Variants in BNC2 observed in about 807,000 individuals in gnomAD.
BNC2 encodes the protein basonuclin zinc finger protein 2, also known as zinc finger protein basonuclin-2.
BNC2 carries 20 observed loss-of-function variants against 76.3 expected under a neutral mutation model. The observed-to-expected ratio is 0.26, with a 90% CI of 0.18 to 0.38. BNC2 has a LOEUF of 0.38. BNC2 is among the 10% of genes least tolerant of loss of function. BNC2 has a pLI of 1.00. For missense variants in BNC2, 1,382 were observed against 1,399.8 expected (o/e 0.99, Z 0.20); for synonymous variants, 582 against 514.8 (o/e 1.13, Z -1.77).
intron 3 of BNC2, among the ~76,000 whole-genome samples, chr9:16,658,104 C>T (rs551549850): frequency 6.6e-6 from 1 of 152,090 alleles, no homozygotes; most frequent in African/African-American, 2.4e-5. Context: ...TACTAATTTG[C>T]AAGGGAATGG....
At chr9:16,823,294 T>G (rs142800036) in intron 1 of BNC2, among the ~76,000 whole-genome samples, 2 of 152,078 alleles carry the variant, frequency 1.3e-5, no homozygotes, top group East Asian at 3.9e-4. Context: ...AATAGTTCTA[T>G]AGTGACATGT....
intron 1 of BNC2, among the ~76,000 whole-genome samples, chr9:16,780,064 A>G (rs368522217): frequency 9.7e-4 from 142 of 146,272 alleles, no homozygotes; most frequent in South Asian, 7.4e-3. Flanking sequence ...GTGAAACCCC[A>G]TCTCTACTAA....
In BNC2 at chr9:16,750,947, C is replaced by T. The variant is rs193148707; in HGVS notation, c.4-12462G>A. 1.1e-4 allele frequency among the ~76,000 whole-genome samples: 16 copies of T among 152,312 alleles called. No homozygotes were observed. In the East Asian group the frequency reaches 2.1e-3, roughly 20 times the overall value. ...GAGATGCTTCCACTGACTGGTACTTCAGCGGCAATGGCAGGCATTGCTAAC... is the reference window on the plus strand; with the variant it reads ...GAGATGCTTCCACTGACTGGTACTTTAGCGGCAATGGCAGGCATTGCTAAC... On this transcript the variant is annotated intron_variant, in intron 1 of 6. Transcript: ENST00000380672.
At chr9:16,440,377 A>G (rs1030272745) in intron 5 of BNC2, among the ~76,000 whole-genome samples, 5 of 152,130 alleles carry the variant, frequency 3.3e-5, no homozygotes, top group Non-Finnish European at 5.9e-5. Flanking sequence ...GAGTGCTATA[A>G]TGTCCTCTTC....
intron 1 of BNC2, among the ~76,000 whole-genome samples, chr9:16,820,478 GT>G (rs536687429): frequency 7.2e-4 from 110 of 151,996 alleles, no homozygotes; most frequent in African/African-American, 2.3e-3. Flanking sequence ...TTTGCCAAAG[GT>G]TATATTGCTA....
chr9:16,751,648 G>A lies in BNC2; in HGVS notation c.4-13163C>T, dbSNP rs111573519. ...TATATATGTATGTATATATGTATGT[G>A]TGTATATATATATGTATGTATGTGT... On this transcript the variant is annotated intron_variant, in intron 1 of 6. Transcript: ENST00000380672. Among the ~76,000 whole-genome samples, 2 of 104,868 alleles carry A rather than the reference G, an allele frequency of 1.9e-5. 1 individual carries two copies. Among genetic ancestry groups the A allele is most frequent in the African/African-American group, 6.7e-5 (2 of 29,646 alleles). The allele number at this position is 104,868 out of a possible 152,430, so 68.8% of individuals were successfully genotyped here.
chr9:16,677,917 A>G (rs1822700737), intron 3 of BNC2, among the ~76,000 whole-genome samples: 1 of 152,216 alleles, frequency 6.6e-6, no homozygotes, highest in Non-Finnish European at 1.5e-5. Context: ...AAATTTTATA[A>G]TTTTACAAAC....
At position 16,659,403 on chromosome 9, in the gene BNC2, A is replaced by T. The variant is rs185199034; in HGVS notation, c.330+68394T>A. On this transcript the variant is annotated intron_variant, in intron 3 of 6. Coordinates refer to ENST00000380672, the MANE Select transcript of BNC2 (RefSeq NM_017637.6). The stretch of plus-strand genomic sequence containing the variant: ...GGTGGGCAGATCAGGAGGTCAGGAG[A>T]TTGAGACCATCCTGGCCAACATGGT... Among the ~76,000 whole-genome samples, 275 of 152,014 alleles carry T rather than the reference A, an allele frequency of 1.8e-3. 2 individuals carry two copies. The highest frequency in any genetic ancestry group is 3.0e-3 in the Non-Finnish European group (202 of 67,964).
intron 5 of BNC2, among the ~76,000 whole-genome samples, chr9:16,492,430 G>T (rs1822297662): frequency 1.3e-5 from 2 of 152,180 alleles, no homozygotes; most frequent in African/African-American, 2.4e-5. Context: ...CTTAAAACAT[G>T]TAGTTTGTTT....
At chr9:16,811,776 G>T (rs1201362429) in intron 1 of BNC2, among the ~76,000 whole-genome samples, 1 of 152,180 alleles carries the variant, frequency 6.6e-6, no homozygotes, top group Non-Finnish European at 1.5e-5. Context: ...GAAAGGAAAA[G>T]AAGAGCCCCT....
Position 16,436,563 on chromosome 9 carries a change from G to A in BNC2, c.1631C>T (p.Pro544Leu), listed in dbSNP as rs1165827230. The A allele has an allele frequency of 1.2e-6, 2 of 1,613,960 alleles. No individual in the cohort carries two copies. The highest frequency in any genetic ancestry group is 1.7e-6 in the Non-Finnish European group (2 of 1,180,020). Residue 544 changes from proline (P) to leucine (L), a missense_variant, in exon 6 of 7, where the codon CCC (proline) becomes CTC (leucine). Transcript: ENST00000380672. ...PGRPPMGFTT[P>L]PLDPVLQNPL... ...ATTTTGCAAGACAGGGTCTAGAGGG[G>A]GAGTGGTAAAACCCATTGGGGGTCG...
chr9:16,768,523 T>G, intron 1 of BNC2, among the ~76,000 whole-genome samples: 1 of 152,106 alleles, frequency 6.6e-6, no homozygotes, highest in East Asian at 1.9e-4. Flanking sequence ...TATGTTCAAT[T>G]TGATAGACCA....
intron 1 of BNC2, among the ~76,000 whole-genome samples, chr9:16,807,700 G>A (rs1283159617): frequency 6.6e-6 from 1 of 152,056 alleles, no homozygotes; most frequent in Admixed American, 6.6e-5. Flanking sequence ...AACCCATTGA[G>A]GATAAAGACC....
chr9:16,414,942 G>C lies in BNC2; in HGVS notation c.*4047C>G, dbSNP rs1291914813. ...AGTTTTTTTTTTTTTTTTTTCCTTA[G>C]AGCAATGTATAATAATGGGGCTGTT... On this transcript the variant is annotated 3_prime_UTR_variant, in exon 7 of 7. Transcript: ENST00000380672. 1 of 142,974 alleles carries C rather than the reference G, an allele frequency of 7.0e-6. No individual in the cohort carries two copies. Among genetic ancestry groups the C allele is most frequent in the Non-Finnish European group, 1.5e-5 (1 of 66,238 alleles). The allele number at this position is 142,974 out of a possible 1,614,324, so 8.9% of individuals were successfully genotyped here.
At chr9:16,441,548 G>A (rs145766830) in intron 5 of BNC2, among the ~76,000 whole-genome samples, 427 of 152,260 alleles carry the variant, frequency 2.8e-3, no homozygotes, top group Non-Finnish European at 4.0e-3. Context: ...AAATAAGTAT[G>A]GTTTGGTGCT....
intron 1 of BNC2, among the ~76,000 whole-genome samples, chr9:16,841,329 C>T (rs1387676752): frequency 6.6e-6 from 1 of 152,122 alleles, no homozygotes; most frequent in Non-Finnish European, 1.5e-5. Context: ...GTCAAACTTC[C>T]CACAGCATAG....
intron 4 of BNC2, chr9:16,575,529 G>A (rs1819459165): frequency 6.6e-6 from 5 of 756,390 alleles, no homozygotes; most frequent in Non-Finnish European, 8.1e-6. Flanking sequence ...TCCAAAAAGT[G>A]TGCAGGCTGA....
At chr9:16,639,417 G>A (rs1159906491) in intron 3 of BNC2, among the ~76,000 whole-genome samples, 1 of 152,144 alleles carries the variant, frequency 6.6e-6, no homozygotes, top group South Asian at 2.1e-4. Flanking sequence ...TCTAACATAT[G>A]TATTTCAAAA....
At chr9:16,828,870 C>A (rs1287967315) in intron 1 of BNC2, among the ~76,000 whole-genome samples, 1 of 152,154 alleles carries the variant, frequency 6.6e-6, no homozygotes, top group Admixed American at 6.5e-5. Context: ...TGAATATGTG[C>A]TCCAGATGTG....
Sources: gnomAD v4.1 joint callset for allele counts (sites outside exome capture counted in the v4.1 genomes callset) on GRCh38, gnomAD v4.1.1 for gene constraint, MANE v1.5 for transcripts, NCBI Gene and HGNC (gene_info 2026-07-23, HGNC 2026-07-21) for gene names.